Variants in WRN observed in about 807,000 individuals in gnomAD.
The protein encoded by WRN is WRN RecQ like helicase.
A neutral mutation model predicts 180.7 loss-of-function variants in WRN; 149 were observed. That is an observed-to-expected ratio of 0.82 (90% CI 0.72 to 0.94). WRN has a LOEUF of 0.94. WRN is among the 40% of genes least tolerant of loss of function. The probability of loss-of-function intolerance (pLI) is 0.00; values close to 1 mark genes in which losing one functional copy is unlikely to be tolerated. For synonymous variants in WRN, 548 were observed against 568.9 expected (o/e 0.96, Z 0.52); for missense variants, 1,661 against 1,700.1 (o/e 0.98, Z 0.40).
Position 31,068,283 on chromosome 8 carries a change from T to G in WRN, c.680T>G (p.Leu227Ter). The G allele has an allele frequency of 6.2e-7, 1 of 1,608,992 alleles. No homozygotes were observed. Among genetic ancestry groups the G allele is most frequent in the South Asian group, 1.1e-5 (1 of 90,680 alleles). The change falls in exon 7 of 35, where the codon TTA (leucine) becomes TGA (stop). Residue 227 changes from leucine (L) to a stop codon, truncating the protein, a stop_gained. Coordinates refer to ENST00000298139, the MANE Select transcript of WRN (RefSeq NM_000553.6). LOFTEE classifies it high-confidence loss of function. ...AYAGFIIYRNLEILDDTVQRF... is the reference protein window; with the variant it reads ...AYAGFIIYRN ...GCTGGTTTTATTATTTACCGAAATT[T>G]AGAGATTTTGGATGATACTGTGCAA...
At chr8:31,092,786 C>T (rs896583184) in intron 16 of WRN, among the ~76,000 whole-genome samples, 4 of 152,096 alleles carry the variant, frequency 2.6e-5, no homozygotes, top group African/African-American at 9.7e-5. Flanking sequence ...CCTAGGCAAG[C>T]CACTGCTCCG....
intron 23 of WRN, among the ~76,000 whole-genome samples, chr8:31,130,320 T>C (rs559978245): frequency 1.1e-4 from 17 of 152,206 alleles, no homozygotes; most frequent in African/African-American, 3.9e-4. Context: ...ATAGTTTTTT[T>C]CCCCCAAACA....
At chr8:31,070,588 A>T (rs1812875700) in intron 7 of WRN, among the ~76,000 whole-genome samples, 1 of 152,098 alleles carries the variant, frequency 6.6e-6, no homozygotes, top group Non-Finnish European at 1.5e-5. Context: ...GGGGATATAG[A>T]TGAGTGAAGA....
intron 16 of WRN, among the ~76,000 whole-genome samples, chr8:31,092,593 T>G (rs1414051970): frequency 6.6e-6 from 1 of 151,948 alleles, no homozygotes; most frequent in Admixed American, 6.6e-5. Context: ...CCCTGCCCAT[T>G]AAGCAGTTGC....
At chr8:31,159,591 C>CA (rs1279794479) in intron 33 of WRN, among the ~76,000 whole-genome samples, 1 of 151,558 alleles carries the variant, frequency 6.6e-6, no homozygotes, top group Non-Finnish European at 1.5e-5. Flanking sequence ...ATTAAAAGAC[C>CA]AAAGCCACCC....
intron 21 of WRN, among the ~76,000 whole-genome samples, chr8:31,121,797 T>C (rs560956247): frequency 1.3e-5 from 2 of 152,118 alleles, no homozygotes; most frequent in Admixed American, 6.6e-5. Flanking sequence ...CTTTTCCTTC[T>C]TAACATAGAA....
rs962949858 is a variant in WRN at position 31,033,834 on chromosome 8, G to T, written c.-216G>T. 17 of 152,448 alleles carry T rather than the reference G, an allele frequency of 1.1e-4. No individual in the cohort carries two copies. The highest frequency in any genetic ancestry group is 2.3e-4 in the Non-Finnish European group (16 of 68,130). 9.4% of individuals were successfully genotyped at this position (152,448 alleles called of 1,614,324 possible). On this transcript the variant is annotated 5_prime_UTR_variant, in exon 1 of 35. Coordinates refer to ENST00000298139, the MANE Select transcript of WRN (RefSeq NM_000553.6). ...TGTGTACTGTGTGCGCCGGGGAGGC[G>T]CCGGCTTGTACTCGGCAGCGCGGGA...
chr8:31,051,635 CT>C (rs1007403197), intron 1 of WRN, among the ~76,000 whole-genome samples: 5 of 152,102 alleles, frequency 3.3e-5, no homozygotes, highest in African/African-American at 9.7e-5. Flanking sequence ...TATTACCAAC[CT>C]TATGGAATAG....
intron 34 of WRN, chr8:31,171,004 A>G (rs1371785734): frequency 6.6e-6 from 1 of 152,212 alleles, no homozygotes; most frequent in African/African-American, 2.4e-5. Context: ...GCTATTTTAC[A>G]TTTATTCTTA....
chr8:31,118,279 G>A (rs1410324121), intron 20 of WRN, among the ~76,000 whole-genome samples: 1 of 151,984 alleles, frequency 6.6e-6, no homozygotes, highest in African/African-American at 2.4e-5. Context: ...TGCTGTGGCA[G>A]GATGTCACAA....
chr8:31,164,665 G>C (rs944512680), intron 33 of WRN, among the ~76,000 whole-genome samples: 1 of 152,014 alleles, frequency 6.6e-6, no homozygotes. Context: ...ATAAATTAAG[G>C]CATTGAATGA....
Position 31,143,624 on chromosome 8 carries a change from G to C in WRN, c.3383+1G>C, listed in dbSNP as rs1413656527. On this transcript the variant is annotated splice_donor_variant, in intron 28 of 34. Coordinates refer to ENST00000298139, the MANE Select transcript of WRN (RefSeq NM_000553.6). LOFTEE classifies it high-confidence loss of function. ...CTGGGAGTAACATTTCTAAAAAAAG[G>C]TACAGAGTTCCATATTTCTATGTTC... is the stretch of plus-strand genomic sequence containing the variant. The C allele has an allele frequency of 6.3e-7, 1 of 1,576,388 alleles. No individual in the cohort carries two copies. The highest frequency in any genetic ancestry group is 8.7e-7 in the Non-Finnish European group (1 of 1,147,232).
At chr8:31,131,542 C>T (rs547187281) in intron 23 of WRN, 8 of 152,554 alleles carry the variant, frequency 5.2e-5, no homozygotes, top group African/African-American at 1.4e-4. Context: ...TTTTAGTAGA[C>T]ATCTCCATGT....
At chr8:31,064,805 A>T in intron 4 of WRN, 110 bp from the exon 5 acceptor site, 2 of 1,287,336 alleles carry the variant, frequency 1.6e-6, no homozygotes, top group Non-Finnish European at 2.2e-6. Flanking sequence ...TTCTGAATTT[A>T]AAATTACTGT....
chr8:31,117,372 C>T (rs1055727077), intron 20 of WRN, among the ~76,000 whole-genome samples: 14 of 152,092 alleles, frequency 9.2e-5, no homozygotes, highest in Admixed American at 5.2e-4. Flanking sequence ...ATTATAGAAA[C>T]ATTAGACTGG....
Position 31,132,453 on chromosome 8 carries a change from A to G in WRN, c.2914A>G (p.Ile972Val). The change falls in exon 24 of 35, where the codon ATC becomes GTC. Residue 972 changes from isoleucine (I) to valine (V), a missense_variant. Around this residue, in one of 3 missense-constraint regions of WRN, gnomAD observed 1,141 missense variants for 1,149.4 expected, o/e 0.99. Transcript: ENST00000298139. The part of the protein sequence containing the change: ...QAFKLLSAVD[I>V]LGEKFGIGLP... ...ATTTAAGCTTTTGTCTGCTGTGGAC[A>G]TCTTAGGCGAAAAATTTGGAATTGG... is the stretch of plus-strand genomic sequence containing the variant. 2 of 1,614,168 alleles carry G rather than the reference A, an allele frequency of 1.2e-6. No individual in the cohort carries two copies. The highest frequency in any genetic ancestry group is 1.7e-6 in the Non-Finnish European group (2 of 1,180,024).
At chr8:31,041,209 G>A (rs928585034) in intron 1 of WRN, among the ~76,000 whole-genome samples, 4 of 152,174 alleles carry the variant, frequency 2.6e-5, no homozygotes, top group African/African-American at 9.7e-5. Context: ...TATAGTTCCA[G>A]GCCAGTTGTG....
At chr8:31,129,826 G>A (rs926517198) in intron 23 of WRN, among the ~76,000 whole-genome samples, 5 of 151,842 alleles carry the variant, frequency 3.3e-5, no homozygotes, top group Non-Finnish European at 1.5e-5. Flanking sequence ...CCAACATGGT[G>A]AAACCCCGTC....
At chr8:31,042,431 A>G (rs890767833) in intron 1 of WRN, among the ~76,000 whole-genome samples, 3 of 152,212 alleles carry the variant, frequency 2.0e-5, no homozygotes, top group Non-Finnish European at 2.9e-5. Context: ...AATACCATCA[A>G]TTTGATTTAT....
Sources: allele counts gnomAD v4.1 joint callset (sites outside exome capture counted in the v4.1 genomes callset), GRCh38; gene constraint gnomAD v4.1.1; regional missense constraint gnomAD v4.1.1; transcripts MANE v1.5; gene names NCBI Gene and HGNC (gene_info 2026-07-23, HGNC 2026-07-21).